Variants in KCNMA1 observed in about 807,000 individuals in gnomAD.
KCNMA1 encodes the protein potassium calcium-activated channel subfamily M alpha 1.
Under a neutral mutation model 140.0 loss-of-function variants are expected in KCNMA1, and 29 were observed. The observed-to-expected ratio is 0.21, with a 90% confidence interval of 0.15 to 0.28. The LOEUF is 0.28. Ranked by LOEUF, KCNMA1 falls within the 10% of genes least tolerant of loss-of-function variation. The pLI, the probability that KCNMA1 is intolerant of heterozygous loss-of-function variation, is 1.00. For missense variants in KCNMA1, 880 were observed against 1,602.2 expected (o/e 0.55, Z 7.70); for synonymous variants, 612 against 611.9 (o/e 1.00, Z 0.00).
intron 21 of KCNMA1, chr10:76,951,975 G>A (rs2066430571): frequency 2.4e-5 from 35 of 1,454,378 alleles, no homozygotes; most frequent in Non-Finnish European, 3.0e-5. Flanking sequence ...GCACATAGTA[G>A]GCCTCCTGGA....
chr10:77,081,216 G>A (rs2096557392), intron 12 of KCNMA1, among the ~76,000 whole-genome samples: 1 of 152,158 alleles, frequency 6.6e-6, no homozygotes, highest in Non-Finnish European at 1.5e-5. Flanking sequence ...AAAACCCTGG[G>A]CTCTCTGTTC....
At chr10:77,485,934 C>G (rs2098454783) in intron 1 of KCNMA1, among the ~76,000 whole-genome samples, 1 of 152,078 alleles carries the variant, frequency 6.6e-6, no homozygotes, top group African/African-American at 2.4e-5. Flanking sequence ...TTTGGTCACC[C>G]TAGCTGTGGA....
intron 19 of KCNMA1, among the ~76,000 whole-genome samples, chr10:76,990,713 T>C (rs2082489800): frequency 6.6e-6 from 1 of 152,200 alleles, no homozygotes; most frequent in Non-Finnish European, 1.5e-5. Flanking sequence ...TTTTGAAGCA[T>C]CCCTGCTGGA....
intron 2 of KCNMA1, among the ~76,000 whole-genome samples, chr10:77,278,647 C>A (rs142675310): frequency 6.6e-6 from 1 of 152,064 alleles, no homozygotes; most frequent in Non-Finnish European, 1.5e-5. Context: ...CTGCCATATG[C>A]GGTCACCAAA....
At chr10:77,097,042 C>T (rs1194438230) in intron 9 of KCNMA1, among the ~76,000 whole-genome samples, 1 of 152,202 alleles carries the variant, frequency 6.6e-6, no homozygotes, top group South Asian at 2.1e-4. Context: ...CAAAGCTTCA[C>T]GTTTGCCCCC....
rs140527509 is a variant in KCNMA1, at chr10:77,093,589, G to C, written c.1224-3079C>G. 9.7e-4 allele frequency among the ~76,000 whole-genome samples: 148 copies of C among 152,334 alleles called. No homozygotes were observed. In the Middle Eastern group the frequency reaches 0.01, roughly 11 times the overall value. On this transcript the variant is annotated intron_variant, in intron 9 of 27. Coordinates refer to ENST00000286628, the MANE Select transcript of KCNMA1 (RefSeq NM_001161352.2). ...CCTGTGTCTGAGGAGGGCCCTGCAAGAGCATGAGGGATGGATGGTGAATGG... is the reference window on the plus strand; with the variant it reads ...CCTGTGTCTGAGGAGGGCCCTGCAACAGCATGAGGGATGGATGGTGAATGG...
chr10:77,351,913 T>TACTCAAGTAGACTGGCTCAC (rs1349598659), intron 2 of KCNMA1, among the ~76,000 whole-genome samples: 4 of 152,234 alleles, frequency 2.6e-5, no homozygotes, highest in Admixed American at 2.0e-4. Flanking sequence ...GACTGGATTG[T>TACTCAAGTAGACTGGCTCAC]CCTCAAGTAG....
rs7902665 is a variant in KCNMA1, at chr10:77,455,012, T to C, written c.379-50989A>G. ...CTCCACCACAGGTACCTTGTGGCAG[T>C]TGGCTTTAACTTCCTCCCTATCCTT... On this transcript the variant is annotated intron_variant, in intron 1 of 27. Transcript: ENST00000286628. Among the ~76,000 whole-genome samples the C allele has an allele frequency of 2.0e-3, 302 of 152,318 alleles. 1 individual carries two copies. The highest frequency in any genetic ancestry group is 6.4e-3 in the African/African-American group (266 of 41,568).
Position 77,108,196 on chromosome 10 carries a change from G to T in KCNMA1, c.1223+285C>A. The T allele has an allele frequency of 9.7e-7, 1 of 1,025,894 alleles. No homozygotes were observed. Among genetic ancestry groups the T allele is most frequent in the South Asian group, 1.7e-5 (1 of 57,868 alleles). The allele number at this position is 1,025,894 out of a possible 1,614,324, so 63.5% of individuals were successfully genotyped here. A position where few individuals can be genotyped will look rare whatever the true frequency, so the allele number is the denominator to read the frequency against. On this transcript the variant is annotated intron_variant, in intron 9 of 27. Transcript: ENST00000286628. This position sits in a 1 kb window ranked among gnomAD's most constrained non-coding sequence, Gnocchi z 4.6. ...GCCTTCCCTCACAGAAGCACCCGGT[G>T]GGGTTGGGGAGGGGCAGAATTCAGA...
At chr10:77,164,182 C>T (rs141041230) in intron 5 of KCNMA1, among the ~76,000 whole-genome samples, 141 of 152,320 alleles carry the variant, frequency 9.3e-4, no homozygotes, top group African/African-American at 3.0e-3. Context: ...GATGCATCTT[C>T]CTGAGTGACA....
At chr10:77,442,621 A>C (rs1391965563) in intron 1 of KCNMA1, among the ~76,000 whole-genome samples, 1 of 152,136 alleles carries the variant, frequency 6.6e-6, no homozygotes, top group African/African-American at 2.4e-5. Flanking sequence ...ATGAGGACCT[A>C]TCGAGAGAGC....
At chr10:77,437,757 G>A (rs1004967398) in intron 1 of KCNMA1, among the ~76,000 whole-genome samples, 3 of 152,160 alleles carry the variant, frequency 2.0e-5, no homozygotes, top group African/African-American at 7.2e-5. Context: ...GGCCTGCACC[G>A]GGGCCAGGAC....
At chr10:76,968,152 G>C (rs1005503512) in intron 20 of KCNMA1, among the ~76,000 whole-genome samples, 1 of 152,022 alleles carries the variant, frequency 6.6e-6, no homozygotes, top group Admixed American at 6.6e-5. Flanking sequence ...TAACACTAAA[G>C]TATTTAATAT....
At chr10:77,636,462 CCCGCTCCAGCT>C in intron 1 of KCNMA1, 1 of 1,536,202 alleles carries the variant, frequency 6.5e-7, no homozygotes, top group Non-Finnish European at 8.7e-7. Flanking sequence ...CAGGCGGACT[CCCGCTCCAGCT>C]CCGCGCTGCT....
chr10:77,148,720 T>G (rs1281167025), intron 5 of KCNMA1, among the ~76,000 whole-genome samples: 2 of 152,184 alleles, frequency 1.3e-5, no homozygotes, highest in Admixed American at 6.5e-5. Flanking sequence ...AATGCGGCCA[T>G]TGGAGTGAGA....
chr10:77,302,204 G>T (rs1456827705), intron 2 of KCNMA1, among the ~76,000 whole-genome samples: 1 of 152,116 alleles, frequency 6.6e-6, no homozygotes, highest in Non-Finnish European at 1.5e-5. Context: ...TCCACCAAAT[G>T]GTGGAGTAAC....
chr10:77,154,248 C>A lies in KCNMA1; in HGVS notation c.808+29173G>T, dbSNP rs1332833874. ...GTTTCCTGAGGCCTCCCCAGGCATGCGGAACTGTGAGTCAATTCAACCTCT... is the reference window on the plus strand; with the variant it reads ...GTTTCCTGAGGCCTCCCCAGGCATGAGGAACTGTGAGTCAATTCAACCTCT... On this transcript the variant is annotated intron_variant, in intron 5 of 27. Coordinates refer to ENST00000286628, the MANE Select transcript of KCNMA1 (RefSeq NM_001161352.2). Among the ~76,000 whole-genome samples the A allele has an allele frequency of 5.3e-5, 8 of 152,164 alleles. No homozygotes were observed. The South Asian group carries it at 1.7e-3, about 32-fold the overall frequency.
intron 5 of KCNMA1, among the ~76,000 whole-genome samples, chr10:77,167,326 G>T (rs949728030): frequency 6.6e-6 from 1 of 152,278 alleles, no homozygotes; most frequent in South Asian, 2.1e-4. Context: ...TCATGGAACA[G>T]CCTTCCTTTG....
At chr10:76,959,855 C>T (rs1286179267) in intron 20 of KCNMA1, among the ~76,000 whole-genome samples, 1 of 152,220 alleles carries the variant, frequency 6.6e-6, no homozygotes, top group Non-Finnish European at 1.5e-5. Context: ...TTGCTACTCA[C>T]AAGAACACCT....
Sources: allele counts gnomAD v4.1 joint callset (sites outside exome capture counted in the v4.1 genomes callset), GRCh38; gene constraint gnomAD v4.1.1; non-coding constraint Gnocchi (gnomAD v3.1); transcripts MANE v1.5; gene names NCBI Gene and HGNC (gene_info 2026-07-23, HGNC 2026-07-21).